Variants in FCHSD2 observed in about 807,000 individuals in gnomAD.
FCHSD2 encodes F-BAR and double SH3 domains protein 2.
FCHSD2 carries 38 observed loss-of-function variants against 108.1 expected under a neutral mutation model. The observed-to-expected ratio is 0.35, with a 90% CI of 0.27 to 0.46. The LOEUF (loss-of-function observed/expected upper bound fraction) is 0.46, where lower values mean the gene tolerates loss of function less well. FCHSD2 is among the 20% of genes least tolerant of loss of function. FCHSD2 has a pLI of 1.00. For synonymous variants in FCHSD2, 279 were observed against 314.7 expected, an observed-to-expected ratio of 0.89 and a Z score of 1.20; for missense variants, 751 against 897.8, an observed-to-expected ratio of 0.84 and a Z score of 2.09.
chr11:72,991,148 C>G (rs1857404836), intron 5 of FCHSD2, among the ~76,000 whole-genome samples: 3 of 152,146 alleles, frequency 2.0e-5, no homozygotes, highest in Non-Finnish European at 4.4e-5. Context: ...TACACCCTCC[C>G]AAGACTAAAC....
At chr11:72,934,632 C>T (rs936220904) in intron 8 of FCHSD2, among the ~76,000 whole-genome samples, 5 of 152,186 alleles carry the variant, frequency 3.3e-5, no homozygotes, top group Admixed American at 1.3e-4. Flanking sequence ...CTGTGCTTGG[C>T]CATAAATTTC....
At chr11:72,900,227 C>CCAAA in intron 10 of FCHSD2, 1 of 1,012,158 alleles carries the variant, frequency 9.9e-7, no homozygotes, top group Non-Finnish European at 1.5e-6. Context: ...ACTTCCCATC[C>CCAAA]CTCCCGCCCT....
chr11:72,999,280 C>G (rs1857577688), intron 5 of FCHSD2, among the ~76,000 whole-genome samples: 1 of 150,334 alleles, frequency 6.7e-6, no homozygotes. Flanking sequence ...AGTTAATTCA[C>G]AGACATGAGC....
At chr11:72,928,556 G>A (rs907656490) in intron 8 of FCHSD2, among the ~76,000 whole-genome samples, 2 of 152,004 alleles carry the variant, frequency 1.3e-5, no homozygotes, top group Non-Finnish European at 2.9e-5. Flanking sequence ...TTTACTAACG[G>A]CTTACTGAGT....
intron 3 of FCHSD2, among the ~76,000 whole-genome samples, chr11:73,065,889 G>A (rs555818730): frequency 1.2e-4 from 18 of 152,164 alleles, no homozygotes; most frequent in South Asian, 8.3e-4. Flanking sequence ...CCATGCTTAC[G>A]GCTAGGAAGA....
chr11:73,138,533 AG>A (rs1398148664), intron 2 of FCHSD2, among the ~76,000 whole-genome samples: 1 of 151,738 alleles, frequency 6.6e-6, no homozygotes, highest in Non-Finnish European at 1.5e-5. Flanking sequence ...GATATTTCTT[AG>A]TTTGCTTAAT....
At chr11:73,073,679 C>T (rs1171329135) in intron 3 of FCHSD2, among the ~76,000 whole-genome samples, 1 of 152,164 alleles carries the variant, frequency 6.6e-6, no homozygotes, top group African/African-American at 2.4e-5. Context: ...ATACATTCCT[C>T]GTAATAATTC....
At chr11:72,880,101 A>G (rs1294590652) in intron 12 of FCHSD2, among the ~76,000 whole-genome samples, 1 of 151,940 alleles carries the variant, frequency 6.6e-6, no homozygotes, top group Non-Finnish European at 1.5e-5. Context: ...CACCCAAAAA[A>G]CAAAAAAACA....
intron 13 of FCHSD2, among the ~76,000 whole-genome samples, chr11:72,852,237 G>A (rs370381174): frequency 6.6e-6 from 1 of 152,056 alleles, no homozygotes. Flanking sequence ...TGCTGGTGAC[G>A]TTATGGAAAA....
At chr11:73,055,336 C>T (rs527810701) in intron 3 of FCHSD2, among the ~76,000 whole-genome samples, 17 of 102,630 alleles carry the variant, frequency 1.7e-4, no homozygotes, top group African/African-American at 4.8e-4. Context: ...GAGTGAGACC[C>T]TGTCTCGAAA....
chr11:73,089,441 A>G (rs1185081260), intron 2 of FCHSD2, among the ~76,000 whole-genome samples: 1 of 152,228 alleles, frequency 6.6e-6, no homozygotes, highest in Non-Finnish European at 1.5e-5. Flanking sequence ...GTGTATATCC[A>G]TGAAAACTTA....
At chr11:73,040,892 C>T (rs184367755) in intron 3 of FCHSD2, among the ~76,000 whole-genome samples, 6 of 152,134 alleles carry the variant, frequency 3.9e-5, no homozygotes, top group African/African-American at 7.2e-5. Flanking sequence ...ACTGCTCCCC[C>T]CCCTCTTTGG....
At chr11:73,015,754 C>T in intron 4 of FCHSD2, 55 bp downstream of exon 4, 1 of 1,078,560 alleles carries the variant, frequency 9.3e-7, no homozygotes, top group Non-Finnish European at 1.4e-6. Flanking sequence ...CTATATGTAA[C>T]ATAGCTTTAA....
At chr11:72,961,561 T>C (rs1856820035) in intron 8 of FCHSD2, among the ~76,000 whole-genome samples, 1 of 152,146 alleles carries the variant, frequency 6.6e-6, no homozygotes, top group Admixed American at 6.5e-5. Flanking sequence ...TGGCCTACTA[T>C]TGTTTTAAAT....
intron 8 of FCHSD2, among the ~76,000 whole-genome samples, chr11:72,961,764 T>C (rs1488910433): frequency 6.6e-6 from 1 of 152,226 alleles, no homozygotes; most frequent in Non-Finnish European, 1.5e-5. Flanking sequence ...AAGAGAATCA[T>C]CAATAGTCAA....
chr11:72,970,711 T>C (rs1856991398), intron 8 of FCHSD2, among the ~76,000 whole-genome samples: 1 of 152,190 alleles, frequency 6.6e-6, no homozygotes, highest in African/African-American at 2.4e-5. Context: ...ATACAAAGCC[T>C]GGTGAGATGC....
intron 9 of FCHSD2, among the ~76,000 whole-genome samples, chr11:72,907,833 T>C (rs974816072): frequency 8.5e-5 from 13 of 152,244 alleles, no homozygotes; most frequent in Middle Eastern, 6.8e-3. Flanking sequence ...GACCTCGTCA[T>C]CTGCCCACCT....
chr11:72,900,296 C>A, intron 10 of FCHSD2: 1 of 1,549,832 alleles, frequency 6.5e-7, no homozygotes, highest in Non-Finnish European at 8.7e-7. Flanking sequence ...CAGGGGAGAG[C>A]TCAATATCCA....
At chr11:72,852,477 C>G (rs1409656409) in intron 13 of FCHSD2, among the ~76,000 whole-genome samples, 2 of 152,046 alleles carry the variant, frequency 1.3e-5, no homozygotes, top group African/African-American at 4.8e-5. Context: ...GTGGGTGGTG[C>G]CAAAATGGCG....
Sources: allele counts gnomAD v4.1 joint callset (sites outside exome capture counted in the v4.1 genomes callset), GRCh38; gene constraint gnomAD v4.1.1; transcripts MANE v1.5; gene names NCBI Gene and HGNC (gene_info 2026-07-23, HGNC 2026-07-21).